ST18: variants seen among roughly 807,000 people sequenced by gnomAD.
The protein encoded by ST18 is ST18 C2H2C-type zinc finger transcription factor.
In ST18, 50 loss-of-function variants were observed where a neutral mutation model predicts 110.0. The observed-to-expected ratio is 0.45, with a 90% CI of 0.36 to 0.58. ST18 has a LOEUF of 0.58. Among genes scored for constraint, ST18 ranks in the 20% least tolerant of loss-of-function variants. The probability of loss-of-function intolerance (pLI) is 0.00; values close to 1 mark genes in which losing one functional copy is unlikely to be tolerated. For synonymous variants in ST18, 461 were observed against 452.4 expected, an observed-to-expected ratio of 1.02 and a Z score of -0.24; for missense variants, 1,306 against 1,280.1, an observed-to-expected ratio of 1.02 and a Z score of -0.31.
chr8:52,345,565 A>G (rs778560448), intron 2 of ST18, among the ~76,000 whole-genome samples: 3 of 152,246 alleles, frequency 2.0e-5, no homozygotes, highest in Non-Finnish European at 2.9e-5. Context: ...TGTAAGCAGA[A>G]GTAAACCTGC....
intron 22 of ST18, among the ~76,000 whole-genome samples, chr8:52,130,669 A>G (rs1007607172): frequency 1.3e-5 from 2 of 152,240 alleles, no homozygotes; most frequent in South Asian, 4.1e-4. Context: ...AAGTGGCACT[A>G]TCAGTTGCTT....
At chr8:52,272,254 A>G (rs574729908) in intron 2 of ST18, among the ~76,000 whole-genome samples, 1 of 152,368 alleles carries the variant, frequency 6.6e-6, no homozygotes, top group African/African-American at 2.4e-5. Flanking sequence ...GGAACAATCA[A>G]CAGAGTGAAA....
At chr8:52,390,764 C>A (rs1430199453) in intron 2 of ST18, among the ~76,000 whole-genome samples, 5 of 152,174 alleles carry the variant, frequency 3.3e-5, no homozygotes. Flanking sequence ...GCGACGGTGG[C>A]ATGGAGCACT....
intron 2 of ST18, among the ~76,000 whole-genome samples, chr8:52,314,376 G>T (rs749899916): frequency 3.3e-5 from 5 of 152,098 alleles, no homozygotes; most frequent in Admixed American, 1.3e-4. Flanking sequence ...CTTTGAATCT[G>T]CTAGGAATTA....
chr8:52,332,558 T>A (rs1222821801), intron 2 of ST18, among the ~76,000 whole-genome samples: 6 of 85,134 alleles, frequency 7.0e-5, no homozygotes, highest in East Asian at 3.8e-4. Context: ...TTTTTTTTTT[T>A]AACTAAAATG....
chr8:52,123,010 A>G (rs926452193), intron 23 of ST18, among the ~76,000 whole-genome samples: 2 of 152,182 alleles, frequency 1.3e-5, no homozygotes, highest in African/African-American at 2.4e-5. Flanking sequence ...TAGATCAATT[A>G]TCATAACTTC....
At chr8:52,232,368 T>G (rs910962579) in intron 2 of ST18, among the ~76,000 whole-genome samples, 2 of 152,082 alleles carry the variant, frequency 1.3e-5, no homozygotes, top group African/African-American at 4.8e-5. Flanking sequence ...AATCTAAGAG[T>G]TTGCACAATA....
chr8:52,270,478 T>C (rs185934703), intron 2 of ST18, among the ~76,000 whole-genome samples: 97 of 152,304 alleles, frequency 6.4e-4, no homozygotes, highest in Non-Finnish European at 1.1e-3. Flanking sequence ...TTTAAGTATA[T>C]AGCACAGCAT....
chr8:52,371,570 G>A (rs1256496980), intron 2 of ST18, among the ~76,000 whole-genome samples: 2 of 152,190 alleles, frequency 1.3e-5, no homozygotes, highest in African/African-American at 4.8e-5. Context: ...GATTATCTAA[G>A]AAAATATCTT....
chr8:52,190,604 T>C (rs751478252), intron 8 of ST18, among the ~76,000 whole-genome samples: 1 of 152,168 alleles, frequency 6.6e-6, no homozygotes, highest in Non-Finnish European at 1.5e-5. Flanking sequence ...TTCTTTTCCA[T>C]CTCTATCGGA....
chr8:52,394,807 A>T (rs1840532521), intron 2 of ST18, among the ~76,000 whole-genome samples: 1 of 152,242 alleles, frequency 6.6e-6, no homozygotes, highest in Non-Finnish European at 1.5e-5. Flanking sequence ...TTAAGCAAAG[A>T]ACCTTAGAAC....
chr8:52,351,675 A>T (rs761406593), intron 2 of ST18, among the ~76,000 whole-genome samples: 1 of 152,266 alleles, frequency 6.6e-6, no homozygotes, highest in African/African-American at 2.4e-5. Context: ...AGAGAAAAAT[A>T]CTTTTAAAAA....
intron 8 of ST18, chr8:52,206,751 C>G (rs1458648125): frequency 6.6e-6 from 1 of 152,142 alleles, no homozygotes; most frequent in Non-Finnish European, 1.5e-5. Flanking sequence ...CAGGTCTGGC[C>G]TAGTATTGAA....
At chr8:52,118,545 AG>A (rs2043399833) in intron 23 of ST18, 104 bp from the exon 24 acceptor site, 1 of 637,530 alleles carries the variant, frequency 1.6e-6, no homozygotes, top group African/African-American at 1.9e-5. Context: ...ACTTTCATTT[AG>A]TGTTTTTACC....
chr8:52,215,498 C>T (rs931498060), intron 6 of ST18, among the ~76,000 whole-genome samples: 2 of 152,194 alleles, frequency 1.3e-5, no homozygotes, highest in Admixed American at 6.5e-5. Flanking sequence ...CGACAGCTCT[C>T]GTAAGCTAAA....
intron 2 of ST18, among the ~76,000 whole-genome samples, chr8:52,236,968 G>A (rs2092768784): frequency 6.6e-6 from 1 of 152,200 alleles, no homozygotes; most frequent in African/African-American, 2.4e-5. Context: ...TGTCTCTCAA[G>A]TAACACCAAC....
chr8:52,118,992 C>T (rs953357703), intron 23 of ST18, among the ~76,000 whole-genome samples: 8 of 152,106 alleles, frequency 5.3e-5, no homozygotes, highest in African/African-American at 9.7e-5. Flanking sequence ...GGCAGAGCTG[C>T]GGGGCTGCTG....
intron 11 of ST18, 23 bp from the exon 12 acceptor site, chr8:52,165,248 A>G (rs2062578668): frequency 1.9e-5 from 30 of 1,611,624 alleles, no homozygotes; most frequent in Non-Finnish European, 2.4e-5. Context: ...CAACACATAA[A>G]GGAAAGAATA....
intron 2 of ST18, among the ~76,000 whole-genome samples, chr8:52,303,606 T>A (rs933172761): frequency 4.6e-5 from 7 of 152,162 alleles, no homozygotes; most frequent in Non-Finnish European, 4.4e-5. Context: ...TTACACAACA[T>A]TTGATAAGCC....
Sources: allele counts gnomAD v4.1 joint callset (sites outside exome capture counted in the v4.1 genomes callset), GRCh38; gene constraint gnomAD v4.1.1; transcripts MANE v1.5; gene names NCBI Gene and HGNC (gene_info 2026-07-23, HGNC 2026-07-21).